GRID2: variants seen among roughly 807,000 people sequenced by gnomAD.
GRID2 encodes the protein glutamate ionotropic receptor delta type subunit 2.
In GRID2, 33 loss-of-function variants were observed where a neutral mutation model predicts 114.8. The observed-to-expected ratio is 0.29, with a 90% CI of 0.22 to 0.38. The LOEUF is 0.38. GRID2 is among the 10% of genes least tolerant of loss of function. The pLI is 1.00. For synonymous variants in GRID2, 505 were observed against 449.9 expected, an observed-to-expected ratio of 1.12 and a Z score of -1.55; for missense variants, 1,184 against 1,257.7, an observed-to-expected ratio of 0.94 and a Z score of 0.89.
At chr4:92,380,156 T>C (rs111449822) in intron 1 of GRID2, among the ~76,000 whole-genome samples, 1 of 151,876 alleles carries the variant, frequency 6.6e-6, no homozygotes, top group Non-Finnish European at 1.5e-5. Flanking sequence ...TTTTTACTTT[T>C]TTTTTGTATC....
At chr4:92,997,477 C>A (rs933104684) in intron 2 of GRID2, among the ~76,000 whole-genome samples, 1 of 152,094 alleles carries the variant, frequency 6.6e-6, no homozygotes, top group Non-Finnish European at 1.5e-5. Flanking sequence ...TCATGAAAAG[C>A]AAGGAGACAC....
At chr4:92,808,387 A>G (rs1740515030) in intron 2 of GRID2, among the ~76,000 whole-genome samples, 1 of 152,068 alleles carries the variant, frequency 6.6e-6, no homozygotes. Flanking sequence ...AATAAGGTGT[A>G]AATTTAAATC....
chr4:92,431,771 A>C (rs1732466101), intron 1 of GRID2, among the ~76,000 whole-genome samples: 1 of 151,916 alleles, frequency 6.6e-6, no homozygotes, highest in Admixed American at 6.6e-5. Context: ...GTCATGTTTT[A>C]CTCTTGATGC....
intron 1 of GRID2, among the ~76,000 whole-genome samples, chr4:92,395,456 T>C (rs1359727500): frequency 6.6e-6 from 1 of 151,748 alleles, no homozygotes; most frequent in East Asian, 1.9e-4. Flanking sequence ...TTAATATCTA[T>C]TAAAATATTT....
intron 4 of GRID2, among the ~76,000 whole-genome samples, chr4:93,122,944 C>T (rs895469088): frequency 1.6e-4 from 10 of 62,284 alleles, no homozygotes; most frequent in East Asian, 9.8e-4. Context: ...TTTTACTTTG[C>T]GTTTGACCTA....
At chr4:93,126,131 A>C (rs1734241720) in intron 4 of GRID2, among the ~76,000 whole-genome samples, 1 of 152,216 alleles carries the variant, frequency 6.6e-6, no homozygotes, top group African/African-American at 2.4e-5. Flanking sequence ...TTAAATGTTT[A>C]ATACCTAATA....
intron 11 of GRID2, among the ~76,000 whole-genome samples, chr4:93,487,272 T>A (rs1368620306): frequency 6.6e-6 from 1 of 151,910 alleles, no homozygotes. Flanking sequence ...ATTGCATTTC[T>A]TATCTATTTT....
At chr4:92,658,494 C>A (rs968931021) in intron 2 of GRID2, among the ~76,000 whole-genome samples, 1 of 151,672 alleles carries the variant, frequency 6.6e-6, no homozygotes, top group Non-Finnish European at 1.5e-5. Flanking sequence ...AGGTCTGGCC[C>A]AGACAGCATT....
intron 2 of GRID2, among the ~76,000 whole-genome samples, chr4:92,906,758 A>G (rs1476292694): frequency 1.3e-5 from 2 of 152,138 alleles, no homozygotes; most frequent in Non-Finnish European, 2.9e-5. Flanking sequence ...AGCTGGGACT[A>G]CAGGCACCTC....
chr4:92,539,067 T>C (rs865865936), intron 1 of GRID2, among the ~76,000 whole-genome samples: 3 of 80,610 alleles, frequency 3.7e-5, no homozygotes, highest in Admixed American at 1.3e-4. Flanking sequence ...AAGTGTCTAA[T>C]AGGAGATGAA....
intron 8 of GRID2, among the ~76,000 whole-genome samples, chr4:93,378,052 GA>G (rs1366491763): frequency 1.3e-5 from 2 of 152,056 alleles, no homozygotes; most frequent in Non-Finnish European, 2.9e-5. Context: ...TGAAAACAAT[GA>G]ATGCAAATCC....
intron 1 of GRID2, among the ~76,000 whole-genome samples, chr4:92,450,265 A>C (rs1360136199): frequency 6.6e-6 from 1 of 152,076 alleles, no homozygotes; most frequent in Non-Finnish European, 1.5e-5. Context: ...TAATAGTAGA[A>C]TGAATAGATG....
chr4:93,435,777 A>G (rs1246028009), intron 10 of GRID2, among the ~76,000 whole-genome samples: 1 of 152,204 alleles, frequency 6.6e-6, no homozygotes, highest in Non-Finnish European at 1.5e-5. Context: ...GTTTGATTCC[A>G]TTCTCTTAAC....
chr4:92,648,917 A>T (rs553331299), intron 2 of GRID2, among the ~76,000 whole-genome samples: 2 of 144,718 alleles, frequency 1.4e-5, no homozygotes, highest in East Asian at 4.1e-4. Flanking sequence ...AATATGATAA[A>T]TATATTTCAT....
intron 2 of GRID2, among the ~76,000 whole-genome samples, chr4:93,012,275 C>G (rs1464004347): frequency 1.3e-5 from 2 of 152,036 alleles, no homozygotes; most frequent in African/African-American, 2.4e-5. Flanking sequence ...TTTTGTCTCT[C>G]CTTCAAATCA....
chr4:93,594,820 G>C (rs1433292936), intron 13 of GRID2, among the ~76,000 whole-genome samples: 1 of 152,120 alleles, frequency 6.6e-6, no homozygotes, highest in Non-Finnish European at 1.5e-5. Context: ...GATTTTCCAG[G>C]TGCCGTCCAT....
chr4:93,673,977 CT>C (rs146777476), intron 14 of GRID2, among the ~76,000 whole-genome samples: 8 of 151,176 alleles, frequency 5.3e-5, no homozygotes, highest in Admixed American at 3.3e-4. Flanking sequence ...TTCAACCCTG[CT>C]TTTTTTTTCA....
At chr4:93,040,481 T>A (rs1725406362) in intron 2 of GRID2, among the ~76,000 whole-genome samples, 1 of 152,152 alleles carries the variant, frequency 6.6e-6, no homozygotes, top group African/African-American at 2.4e-5. Flanking sequence ...TAAAGTGTAT[T>A]CTTTTTCTTC....
chr4:93,521,556 G>C (rs1730339674), intron 13 of GRID2, among the ~76,000 whole-genome samples: 1 of 152,080 alleles, frequency 6.6e-6, no homozygotes, highest in Admixed American at 6.6e-5. Flanking sequence ...ATTAATTTTA[G>C]TTTTGGAAAC....
Sources: allele counts gnomAD v4.1 joint callset (sites outside exome capture counted in the v4.1 genomes callset), GRCh38; gene constraint gnomAD v4.1.1; transcripts MANE v1.5; gene names NCBI Gene and HGNC (gene_info 2026-07-23, HGNC 2026-07-21).